FGD4: variants seen among roughly 807,000 people sequenced by gnomAD.
The protein encoded by FGD4 is FYVE, RhoGEF and PH domain-containing protein 4.
Under a neutral mutation model 102.0 loss-of-function variants are expected in FGD4, and 42 were observed. The ratio of observed to expected loss-of-function variants is 0.41; its 90% CI spans 0.32 to 0.53. FGD4 has a LOEUF of 0.53. Among genes scored for constraint, FGD4 ranks in the 20% least tolerant of loss-of-function variants. The probability of loss-of-function intolerance (pLI) is 0.21; values close to 1 mark genes in which losing one functional copy is unlikely to be tolerated. For synonymous variants in FGD4, 380 were observed against 375.7 expected, an observed-to-expected ratio of 1.01 and a Z score of -0.13; for missense variants, 902 against 1,078.2, an observed-to-expected ratio of 0.84 and a Z score of 2.29.
chr12:32,607,818 A>G, intron 7 of FGD4, 139 bp from the exon 8 acceptor site: 1 of 891,300 alleles, frequency 1.1e-6, no homozygotes, highest in Middle Eastern at 3.3e-4. Context: ...CTGGCCAGAA[A>G]TCTGCATTTC....
At chr12:32,571,527 A>G (rs1565856224) in intron 2 of FGD4, among the ~76,000 whole-genome samples, 2 of 152,348 alleles carry the variant, frequency 1.3e-5, no homozygotes, top group East Asian at 3.9e-4. Context: ...GAGCTGAAAC[A>G]AAGATGAGAT....
At chr12:32,563,929 G>T (rs1944944021) in intron 1 of FGD4, among the ~76,000 whole-genome samples, 1 of 151,482 alleles carries the variant, frequency 6.6e-6, no homozygotes, top group African/African-American at 2.4e-5. Flanking sequence ...CAGGGAGGTT[G>T]CAGTGAGCCG....
At chr12:32,511,849 A>T (rs189934076) in intron 1 of FGD4, 1 of 152,176 alleles carries the variant, frequency 6.6e-6, no homozygotes, top group Non-Finnish European at 1.5e-5. Context: ...GTCTACAGCC[A>T]TACCACCCGG....
chr12:32,494,287 C>T (rs992928451), intron 1 of FGD4, among the ~76,000 whole-genome samples: 1 of 152,140 alleles, frequency 6.6e-6, no homozygotes, highest in African/African-American at 2.4e-5. Context: ...TCTGGTCTTG[C>T]ATTTCTCCCT....
chr12:32,595,755 T>C (rs1213664768), intron 4 of FGD4, among the ~76,000 whole-genome samples: 4 of 152,222 alleles, frequency 2.6e-5, no homozygotes, highest in African/African-American at 4.8e-5. Flanking sequence ...TCCCGAATTG[T>C]ATTAAGTTAA....
chr12:32,590,235 G>A (rs771934342), intron 4 of FGD4, among the ~76,000 whole-genome samples: 1 of 149,578 alleles, frequency 6.7e-6, no homozygotes, highest in Non-Finnish European at 1.5e-5. Flanking sequence ...ACTTGAACCC[G>A]AGAGGCAGAG....
intron 14 of FGD4, among the ~76,000 whole-genome samples, chr12:32,632,983 T>C (rs1950581064): frequency 6.6e-6 from 1 of 151,918 alleles, no homozygotes; most frequent in Non-Finnish European, 1.5e-5. Flanking sequence ...GTCACAAGCC[T>C]AGAAAAGAAG....
chr12:32,582,831 G>C (rs996492830), intron 4 of FGD4: 1 of 225,196 alleles, frequency 4.4e-6, no homozygotes, highest in Non-Finnish European at 8.9e-6. Flanking sequence ...AGAAGAAATT[G>C]TATAATCTTT....
At chr12:32,526,335 A>G (rs1014128026) in intron 1 of FGD4, among the ~76,000 whole-genome samples, 2 of 152,148 alleles carry the variant, frequency 1.3e-5, no homozygotes, top group African/African-American at 4.8e-5. Flanking sequence ...TATCTAGCTC[A>G]AGGTTTGTAA....
At chr12:32,432,538 A>G (rs1316394884) in intron 1 of FGD4, among the ~76,000 whole-genome samples, 1 of 149,614 alleles carries the variant, frequency 6.7e-6, no homozygotes, top group Non-Finnish European at 1.5e-5. Flanking sequence ...CAGGAGGCGG[A>G]GGTTGCAGTG....
intron 1 of FGD4, among the ~76,000 whole-genome samples, chr12:32,433,082 C>G (rs1942109761): frequency 6.6e-6 from 1 of 151,544 alleles, no homozygotes; most frequent in Non-Finnish European, 1.5e-5. Context: ...CTGCAACCTC[C>G]ACCTCCCTGG....
rs1437421276 is a variant in FGD4 at position 32,625,008 on chromosome 12, A to G, written c.1986A>G (p.Gln662=). The change falls in exon 13 of 17, where the codon CAA becomes CAG. Residue 662 remains glutamine (Q), a synonymous_variant. Coordinates refer to ENST00000534526, the MANE Select transcript of FGD4 (RefSeq NM_001370298.3). ...AAGAAACCATCGATGCTTTTCATCA[A>G]AGGCATGAAACCTTCAGAAATGCAA... The part of the protein sequence containing the change: ...ALQETIDAFH[Q]RHETFRNAIA... 6.2e-7 allele frequency: 1 copy of G among 1,613,504 alleles called. No individual in the cohort carries two copies. The highest frequency in any genetic ancestry group is 1.1e-5 in the South Asian group (1 of 91,068).
intron 15 of FGD4, among the ~76,000 whole-genome samples, chr12:32,638,381 G>A (rs1194455256): frequency 6.6e-6 from 1 of 152,122 alleles, no homozygotes; most frequent in Non-Finnish European, 1.5e-5. Context: ...TTGGTGTGAG[G>A]ATTAAATGAA....
At position 32,645,238 on chromosome 12, in the gene FGD4, A is replaced by G. The variant is rs992807365; in HGVS notation, c.*4705A>G. The G allele has an allele frequency of 6.6e-6, 1 of 152,162 alleles. No homozygotes were observed. Among genetic ancestry groups the G allele is most frequent in the Non-Finnish European group, 1.5e-5 (1 of 68,024 alleles). 9.4% of individuals were successfully genotyped at this position (152,162 alleles called of 1,614,324 possible). The stretch of plus-strand genomic sequence containing the variant: ...CAGTATATGGATATTGGAATGTATC[A>G]CTTGTGGGGGGTTCTCTTCATTAGC... On this transcript the variant is annotated 3_prime_UTR_variant, in exon 17 of 17. Transcript: ENST00000534526.
At chr12:32,625,563 G>C in intron 13 of FGD4, 91 bp from the exon 14 acceptor site, 3 of 1,461,822 alleles carry the variant, frequency 2.1e-6, no homozygotes, top group Non-Finnish European at 2.8e-6. Context: ...AACATGGTTT[G>C]AGCAATGTAG....
intron 10 of FGD4, among the ~76,000 whole-genome samples, chr12:32,615,730 G>A (rs979122921): frequency 1.3e-5 from 2 of 152,028 alleles, no homozygotes; most frequent in Non-Finnish European, 2.9e-5. Flanking sequence ...AGCAGAAAAC[G>A]TGGGCAAGAG....
chr12:32,405,285 G>T, intron 1 of FGD4, among the ~76,000 whole-genome samples: 1 of 102,720 alleles, frequency 9.7e-6, no homozygotes, highest in African/African-American at 3.6e-5. Context: ...TTTTTTAGAA[G>T]GAGTTTCACT....
intron 10 of FGD4, among the ~76,000 whole-genome samples, chr12:32,617,519 C>T (rs945493323): frequency 1.1e-4 from 17 of 152,120 alleles, no homozygotes; most frequent in African/African-American, 3.9e-4. Flanking sequence ...CAAGAAAGAC[C>T]CTCCCTGTGT....
At chr12:32,427,635 T>C (rs539483279) in intron 1 of FGD4, among the ~76,000 whole-genome samples, 63 of 152,174 alleles carry the variant, frequency 4.1e-4, no homozygotes, top group African/African-American at 1.5e-3. Context: ...ATTTTCTGTC[T>C]TGATCTGTCT....
Sources: allele counts gnomAD v4.1 joint callset (sites outside exome capture counted in the v4.1 genomes callset), GRCh38; gene constraint gnomAD v4.1.1; transcripts MANE v1.5; gene names NCBI Gene and HGNC (gene_info 2026-07-23, HGNC 2026-07-21).